The following DNAJC24 variants were observed in gnomAD, a reference collection of about 807,000 sequenced individuals.
The protein encoded by DNAJC24 is dnaJ homolog subfamily C member 24.
A neutral mutation model predicts 18.0 loss-of-function variants in DNAJC24; 17 were observed. The ratio of observed to expected loss-of-function variants is 0.94; its 90% CI spans 0.65 to 1.42. The LOEUF (loss-of-function observed/expected upper bound fraction) is 1.42, where lower values mean the gene tolerates loss of function less well. Among genes scored for constraint, DNAJC24 ranks in the 40% most tolerant of loss-of-function variants. The probability of loss-of-function intolerance (pLI) is 0.00; values close to 1 mark genes in which losing one functional copy is unlikely to be tolerated. For missense variants in DNAJC24, 158 were observed against 175.6 expected (o/e 0.90, Z 0.57); for synonymous variants, 55 against 57.7 (o/e 0.95, Z 0.21).
chr11:31,393,905 A>G (rs1952521128), intron 2 of DNAJC24, among the ~76,000 whole-genome samples: 1 of 152,014 alleles, frequency 6.6e-6, no homozygotes, highest in Admixed American at 6.6e-5. Context: ...TGAAACAATG[A>G]TCCTAGGGGA....
At chr11:31,375,811 T>G (rs1952308007) in intron 2 of DNAJC24, among the ~76,000 whole-genome samples, 1 of 135,162 alleles carries the variant, frequency 7.4e-6, no homozygotes, top group African/African-American at 2.5e-5. Context: ...AGAGATGAAG[T>G]GAAGCAGCAA....
chr11:31,409,561 A>AT, intron 2 of DNAJC24, among the ~76,000 whole-genome samples: 1 of 152,244 alleles, frequency 6.6e-6, no homozygotes, highest in African/African-American at 2.4e-5. Flanking sequence ...CATTTGTGTT[A>AT]TTGAGTGTGT....
At chr11:31,388,125 G>A (rs775296131) in intron 2 of DNAJC24, among the ~76,000 whole-genome samples, 1 of 152,000 alleles carries the variant, frequency 6.6e-6, no homozygotes, top group Non-Finnish European at 1.5e-5. Context: ...CTAGAAAATA[G>A]CCTCAGTAGG....
intron 2 of DNAJC24, among the ~76,000 whole-genome samples, chr11:31,390,024 A>G (rs1275869044): frequency 6.6e-6 from 1 of 152,196 alleles, no homozygotes; most frequent in Non-Finnish European, 1.5e-5. Flanking sequence ...ACTAAGAGGG[A>G]AGTTTATAGC....
At chr11:31,371,814 CTTTTTTTTT>C (rs1196949855) in intron 2 of DNAJC24, among the ~76,000 whole-genome samples, 1 of 73,856 alleles carries the variant, frequency 1.4e-5, no homozygotes, top group African/African-American at 4.7e-5. Context: ...TATCAGTTGA[CTTTTTTTTT>C]TTTTTTTTTT....
chr11:31,432,479 A>T lies in DNAJC24; in HGVS notation c.*2078A>T, dbSNP rs781560505. ...TCACATGAAAAGGAGACAATAATCAAGTCAAAAGAATAAATGCTTACTAAT... is the reference window on the plus strand; with the variant it reads ...TCACATGAAAAGGAGACAATAATCATGTCAAAAGAATAAATGCTTACTAAT... On this transcript the variant is annotated 3_prime_UTR_variant, in exon 5 of 5. Coordinates refer to ENST00000465995, the MANE Select transcript of DNAJC24 (RefSeq NM_181706.5). 1.0e-5 allele frequency: 16 copies of T among 1,563,518 alleles called. No individual in the cohort carries two copies. The highest frequency in any genetic ancestry group is 1.4e-5 in the Non-Finnish European group (16 of 1,135,442).
intron 3 of DNAJC24, among the ~76,000 whole-genome samples, chr11:31,420,877 CT>C (rs1211156282): frequency 6.6e-6 from 1 of 152,146 alleles, no homozygotes; most frequent in African/African-American, 2.4e-5. Context: ...ACCAGGCCTA[CT>C]TCTGCTGCTG....
intron 2 of DNAJC24, chr11:31,408,124 T>A (rs1432960368): frequency 2.2e-6 from 1 of 456,046 alleles, no homozygotes; most frequent in Non-Finnish European, 4.4e-6. Flanking sequence ...TTGGATTTTT[T>A]CCCCCTCTTT....
At chr11:31,380,139 A>T (rs1952362105) in intron 2 of DNAJC24, among the ~76,000 whole-genome samples, 1 of 152,196 alleles carries the variant, frequency 6.6e-6, no homozygotes. Flanking sequence ...CTATGAAGAG[A>T]TGATTTAGGG....
At chr11:31,417,143 A>G (rs1024873984) in intron 3 of DNAJC24, 1 of 151,170 alleles carries the variant, frequency 6.6e-6, no homozygotes, top group African/African-American at 2.5e-5. Context: ...ACACTTTAGT[A>G]CCTCAGATTT....
chr11:31,389,417 CAT>C (rs1376535708), intron 2 of DNAJC24, among the ~76,000 whole-genome samples: 3 of 152,046 alleles, frequency 2.0e-5, no homozygotes, highest in Middle Eastern at 3.2e-3. Context: ...GAGACAAGGT[CAT>C]ATAGTGATAA....
chr11:31,376,916 C>G (rs1952321282), intron 2 of DNAJC24, among the ~76,000 whole-genome samples: 1 of 151,964 alleles, frequency 6.6e-6, no homozygotes, highest in Non-Finnish European at 1.5e-5. Flanking sequence ...TAAGTTTAGA[C>G]TTTCTAATAG....
Position 31,425,623 on chromosome 11 carries a change from T to C in DNAJC24, c.251-664T>C, listed in dbSNP as rs142061632. ...TGGAAAGAGATCACTCTCTAATCCC[T>C]TCCCTTTAAGGCCACCAGTCCTATT... On this transcript the variant is annotated intron_variant, in intron 3 of 4. Coordinates refer to ENST00000465995, the MANE Select transcript of DNAJC24 (RefSeq NM_181706.5). 8.0e-3 allele frequency among the ~76,000 whole-genome samples: 1,213 copies of C among 152,226 alleles called. 14 individuals carry two copies. The highest frequency in any genetic ancestry group is 0.028 in the African/African-American group (1,168 of 41,532).
At position 31,430,466 on chromosome 11, in the gene DNAJC24, T is replaced by C. The variant is rs1450771900; in HGVS notation, c.*65T>C. The C allele has an allele frequency of 7.0e-6, 10 of 1,432,950 alleles. No individual in the cohort carries two copies. The East Asian group carries it at 2.2e-4, about 31-fold the overall frequency. 88.8% of individuals were successfully genotyped at this position (1,432,950 alleles called of 1,614,324 possible). ...GACATGATGAGAAGCCGTTGAGCTT[T>C]GTCCATTCAAGGAAATGGATTATTT... is the stretch of plus-strand genomic sequence containing the variant. On this transcript the variant is annotated 3_prime_UTR_variant, in exon 5 of 5. Coordinates refer to ENST00000465995, the MANE Select transcript of DNAJC24 (RefSeq NM_181706.5).
chr11:31,383,341 A>G (rs1480081739), intron 2 of DNAJC24, among the ~76,000 whole-genome samples: 2 of 152,100 alleles, frequency 1.3e-5, no homozygotes, highest in Non-Finnish European at 1.5e-5. Flanking sequence ...AGGGGCCCCC[A>G]GCCACTAGTC....
At chr11:31,420,621 C>G (rs1242786430) in intron 3 of DNAJC24, among the ~76,000 whole-genome samples, 3 of 152,214 alleles carry the variant, frequency 2.0e-5, no homozygotes, top group East Asian at 3.9e-4. Flanking sequence ...TTATTAAGCA[C>G]TAGAACTGTG....
Position 31,431,787 on chromosome 11 carries a change from G to A in DNAJC24, c.*1386G>A, listed in dbSNP as rs1214757140. The A allele has an allele frequency of 6.6e-5, 10 of 151,604 alleles. No individual in the cohort carries two copies. Among genetic ancestry groups the A allele is most frequent in the Non-Finnish European group, 1.3e-4 (9 of 67,942 alleles). The allele number at this position is 151,604 out of a possible 1,614,324, so 9.4% of individuals were successfully genotyped here. On this transcript the variant is annotated 3_prime_UTR_variant, in exon 5 of 5. Transcript: ENST00000465995. ...AGGTTGTGCCACTGCACTGCAGCCT[G>A]GGCTACAGAGAGCAAGACTCTGTCT... is the stretch of plus-strand genomic sequence containing the variant.
chr11:31,425,229 G>A (rs1484069010), intron 3 of DNAJC24, among the ~76,000 whole-genome samples: 1 of 152,108 alleles, frequency 6.6e-6, no homozygotes, highest in Non-Finnish European at 1.5e-5. Context: ...CAATACATTT[G>A]TGTTGTGGGG....
At chr11:31,422,044 A>C (rs1027506517) in intron 3 of DNAJC24, 16 of 398,054 alleles carry the variant, frequency 4.0e-5, no homozygotes, top group African/African-American at 2.9e-4. Flanking sequence ...GAGCCACAGA[A>C]TTCTTTCACC....
Sources: gnomAD v4.1 joint callset for allele counts (sites outside exome capture counted in the v4.1 genomes callset) on GRCh38, gnomAD v4.1.1 for gene constraint, MANE v1.5 for transcripts, NCBI Gene and HGNC (gene_info 2026-07-23, HGNC 2026-07-21) for gene names.